WDFY2: variants seen among roughly 807,000 people sequenced by gnomAD.
The protein encoded by WDFY2 is WD repeat and FYVE domain containing 2.
WDFY2 carries 36 observed loss-of-function variants against 56.4 expected under a neutral mutation model. That is an observed-to-expected ratio of 0.64 (90% CI 0.49 to 0.84). The LOEUF is 0.84. Among genes scored for constraint, WDFY2 ranks in the 40% least tolerant of loss-of-function variants. The pLI, the probability that WDFY2 is intolerant of heterozygous loss-of-function variation, is 0.00. For missense variants in WDFY2, 444 were observed against 512.2 expected (o/e 0.87, Z 1.29); for synonymous variants, 176 against 183.7 (o/e 0.96, Z 0.34).
At chr13:51,650,625 T>G (rs564480432) in intron 1 of WDFY2, among the ~76,000 whole-genome samples, 162 of 152,282 alleles carry the variant, frequency 1.1e-3, no homozygotes, top group African/African-American at 3.4e-3. Context: ...TAGCATGAAG[T>G]GCTGTTGAAT....
At chr13:51,690,689 A>G (rs1956137996) in intron 3 of WDFY2, among the ~76,000 whole-genome samples, 1 of 152,136 alleles carries the variant, frequency 6.6e-6, no homozygotes, top group African/African-American at 2.4e-5. Context: ...AGCATGATTT[A>G]TAGTCCTTTG....
Position 51,586,019 on chromosome 13 carries a change from G to A in WDFY2, c.137+1195G>A, listed in dbSNP as rs141499691. On this transcript the variant is annotated intron_variant, in intron 1 of 11. Transcript: ENST00000298125. The stretch of plus-strand genomic sequence containing the variant: ...ACAAATGGCGCCTGATTAATTTCCT[G>A]TGCAGATCCAATGGAAAACATTGTA... The A allele has an allele frequency of 3.5e-4, 140 of 398,486 alleles. 1 individual carries two copies. Among genetic ancestry groups the A allele is most frequent in the African/African-American group, 2.6e-3 (129 of 48,704 alleles). The allele number at this position is 398,486 out of a possible 1,614,324, so 24.7% of individuals were successfully genotyped here. A position where few individuals can be genotyped will look rare whatever the true frequency, so the allele number is the denominator to read the frequency against.
chr13:51,603,861 C>A (rs941599766), intron 1 of WDFY2, among the ~76,000 whole-genome samples: 4 of 152,066 alleles, frequency 2.6e-5, no homozygotes, highest in Admixed American at 2.0e-4. Context: ...GCCTTAGGCA[C>A]AAGGCAGGTA....
chr13:51,648,216 C>A (rs1311951359), intron 1 of WDFY2, among the ~76,000 whole-genome samples: 1 of 152,154 alleles, frequency 6.6e-6, no homozygotes, highest in African/African-American at 2.4e-5. Context: ...AGGGCTGGAG[C>A]TGTGCAATTA....
intron 4 of WDFY2, among the ~76,000 whole-genome samples, chr13:51,708,120 G>A (rs187763718): frequency 2.4e-4 from 37 of 151,194 alleles, no homozygotes; most frequent in Admixed American, 2.6e-4. Context: ...TAATATTTGC[G>A]ATCCACCTGC....
intron 4 of WDFY2, among the ~76,000 whole-genome samples, chr13:51,709,648 T>C (rs111316217): frequency 2.2e-3 from 333 of 152,256 alleles, no homozygotes; most frequent in Admixed American, 4.1e-3. Flanking sequence ...CAGAGAATAC[T>C]ATCAACACCT....
At chr13:51,758,586 G>A (rs999667652) in intron 11 of WDFY2, among the ~76,000 whole-genome samples, 25 of 151,450 alleles carry the variant, frequency 1.7e-4, no homozygotes, top group Non-Finnish European at 7.4e-5. Context: ...ACCATTGAAG[G>A]TGAGTGTTTT....
chr13:51,630,440 T>C (rs1954929889), intron 1 of WDFY2, among the ~76,000 whole-genome samples: 1 of 152,040 alleles, frequency 6.6e-6, no homozygotes, highest in Admixed American at 6.5e-5. Flanking sequence ...TTTTGGTGTT[T>C]TAAACTGGTA....
At position 51,760,430 on chromosome 13, in the gene WDFY2, A is replaced by G. The variant is rs931402691; in HGVS notation, c.*661A>G. 2 of 152,068 alleles carry G rather than the reference A, an allele frequency of 1.3e-5. No individual in the cohort carries two copies. Among genetic ancestry groups the G allele is most frequent in the African/African-American group, 4.8e-5 (2 of 41,384 alleles). The allele number at this position is 152,068 out of a possible 1,614,324, so 9.4% of individuals were successfully genotyped here. ...GTAGAAAAGACTGTGTTTCTGCCTC[A>G]GTTGCCTCTGTCTTTCCCACATTAA... On this transcript the variant is annotated 3_prime_UTR_variant, in exon 12 of 12. Coordinates refer to ENST00000298125, the MANE Select transcript of WDFY2 (RefSeq NM_052950.4).
chr13:51,709,894 C>A (rs1952170951), intron 4 of WDFY2, among the ~76,000 whole-genome samples: 1 of 152,206 alleles, frequency 6.6e-6, no homozygotes, highest in Middle Eastern at 3.4e-3. Flanking sequence ...GAAACTATTC[C>A]AATCAATAGA....
intron 11 of WDFY2, 57 bp downstream of exon 11, chr13:51,758,357 G>A: frequency 3.8e-6 from 5 of 1,318,498 alleles, no homozygotes; most frequent in Non-Finnish European, 1.1e-6. Flanking sequence ...AAATATACAG[G>A]AGCACCAAGA....
intron 3 of WDFY2, among the ~76,000 whole-genome samples, chr13:51,702,961 A>T (rs565694918): frequency 1.3e-5 from 2 of 152,294 alleles, no homozygotes; most frequent in African/African-American, 4.8e-5. Flanking sequence ...ACAGACACTT[A>T]TGTGTCCCCA....
At chr13:51,659,041 C>T (rs1955564040) in intron 1 of WDFY2, among the ~76,000 whole-genome samples, 1 of 152,130 alleles carries the variant, frequency 6.6e-6, no homozygotes, top group Non-Finnish European at 1.5e-5. Context: ...ATTCTCCTGC[C>T]TTAACCTCCT....
chr13:51,745,312 G>T (rs2138702343), intron 7 of WDFY2, among the ~76,000 whole-genome samples: 1 of 152,206 alleles, frequency 6.6e-6, no homozygotes. Context: ...TTTTATATTA[G>T]GCATTAATTA....
intron 3 of WDFY2, among the ~76,000 whole-genome samples, chr13:51,696,292 C>T (rs972217803): frequency 2.6e-5 from 4 of 152,204 alleles, no homozygotes; most frequent in Admixed American, 6.5e-5. Flanking sequence ...AGCTGTAGAC[C>T]AGAGCTGTTC....
At chr13:51,594,589 T>C (rs971051750) in intron 1 of WDFY2, among the ~76,000 whole-genome samples, 10 of 152,236 alleles carry the variant, frequency 6.6e-5, no homozygotes, top group Non-Finnish European at 2.9e-5. Flanking sequence ...CTTTTAATTA[T>C]TGTAGCTAAT....
intron 1 of WDFY2, among the ~76,000 whole-genome samples, chr13:51,625,274 A>G (rs1246869503): frequency 6.6e-6 from 1 of 152,208 alleles, no homozygotes; most frequent in Non-Finnish European, 1.5e-5. Flanking sequence ...GGTTAAGTAC[A>G]TCTGATTGGA....
intron 3 of WDFY2, among the ~76,000 whole-genome samples, chr13:51,702,377 G>T (rs1197351573): frequency 6.6e-6 from 1 of 151,968 alleles, no homozygotes; most frequent in Non-Finnish European, 1.5e-5. Flanking sequence ...AAAACAAGAA[G>T]TGGATGTAGT....
chr13:51,754,179 C>T (rs978841701), intron 8 of WDFY2, among the ~76,000 whole-genome samples: 1 of 151,780 alleles, frequency 6.6e-6, no homozygotes, highest in Non-Finnish European at 1.5e-5. Context: ...CTTTTGAGCT[C>T]TCCCATCCTG....
Sources: allele counts gnomAD v4.1 joint callset (sites outside exome capture counted in the v4.1 genomes callset), GRCh38; gene constraint gnomAD v4.1.1; transcripts MANE v1.5; gene names NCBI Gene and HGNC (gene_info 2026-07-23, HGNC 2026-07-21).